The following IGLL1 variants were observed in gnomAD, a reference collection of about 807,000 sequenced individuals.
The protein encoded by IGLL1 is immunoglobulin lambda like polypeptide 1.
IGLL1 carries 10 observed loss-of-function variants against 10.5 expected under a neutral mutation model. That is an observed-to-expected ratio of 0.95 (90% CI 0.59 to 1.62). The LOEUF is 1.62. IGLL1 is among the 40% of genes most tolerant of loss of function. The probability of loss-of-function intolerance (pLI) is 0.00; values close to 1 mark genes in which losing one functional copy is unlikely to be tolerated. For missense variants in IGLL1, 284 were observed against 278.7 expected, an observed-to-expected ratio of 1.02 and a Z score of -0.14; for synonymous variants, 141 against 122.7, an observed-to-expected ratio of 1.15 and a Z score of -0.99.
chr22:23,575,141 A>G, intron 1 of IGLL1, 59 bp from the exon 2 acceptor site: 1 of 1,237,522 alleles, frequency 8.1e-7, no homozygotes, highest in Non-Finnish European at 1.2e-6. Context: ...GGCACAGGGT[A>G]GGGGGGTGGC....
At chr22:23,576,618 G>T (rs1319782877) in intron 1 of IGLL1, among the ~76,000 whole-genome samples, 1 of 152,066 alleles carries the variant, frequency 6.6e-6, no homozygotes, top group Non-Finnish European at 1.5e-5. Context: ...TTTCAGTAGA[G>T]ACGGTGTTTC....
At chr22:23,577,184 G>A (rs1925101231) in intron 1 of IGLL1, among the ~76,000 whole-genome samples, 1 of 152,176 alleles carries the variant, frequency 6.6e-6, no homozygotes, top group Admixed American at 6.5e-5. Flanking sequence ...GGCCGAGGCG[G>A]GTGGATGGCT....
chr22:23,574,944 C>G (rs780140393), intron 2 of IGLL1, 23 bp downstream of exon 2: 11 of 1,492,294 alleles, frequency 7.4e-6, no homozygotes, highest in Middle Eastern at 1.7e-4. Context: ...GGTGGGACAG[C>G]CTGGGAAGTT....
chr22:23,573,301 C>A lies in IGLL1; in HGVS notation c.607G>T (p.Val203Leu). The change falls in exon 3 of 3, where the codon GTG (valine) becomes TTG (leucine). Residue 203 changes from valine (V) to leucine (L), a missense_variant. By Grantham distance (32) the Val-to-Leu change is conservative. Transcript: ENST00000330377. The part of the protein sequence containing the change: ...SCQVMHEGST[V>L]EKTVAPAECS ...TCTGCAGGGGCCACCGTCTTCTCCA[C>A]GGTGCTCCCTTCGTGCATGACCTGG... is the stretch of plus-strand genomic sequence containing the variant. 2 of 1,613,956 alleles carry A rather than the reference C, an allele frequency of 1.2e-6. No homozygotes were observed. Among genetic ancestry groups the A allele is most frequent in the Non-Finnish European group, 1.7e-6 (2 of 1,179,970 alleles).
At chr22:23,576,444 T>C (rs1925072689) in intron 1 of IGLL1, among the ~76,000 whole-genome samples, 3 of 151,976 alleles carry the variant, frequency 2.0e-5, no homozygotes, top group Admixed American at 2.0e-4. Context: ...CCTTTTATTT[T>C]TTTGAAATGG....
chr22:23,578,321 CA>C (rs1388315322), intron 1 of IGLL1, among the ~76,000 whole-genome samples: 1 of 152,210 alleles, frequency 6.6e-6, no homozygotes, highest in Non-Finnish European at 1.5e-5. Context: ...GGGCCTTCCC[CA>C]TCCCAGTCTC....
At chr22:23,578,155 T>C (rs530697631) in intron 1 of IGLL1, among the ~76,000 whole-genome samples, 1 of 152,220 alleles carries the variant, frequency 6.6e-6, no homozygotes, top group South Asian at 2.1e-4. Context: ...GTGCTGGGAT[T>C]ACAGGCATGA....
chr22:23,580,222 G>T lies in IGLL1; in HGVS notation c.-32C>A. 1 of 1,535,358 alleles carries T rather than the reference G, an allele frequency of 6.5e-7. No homozygotes were observed. ...TCAGGGTCAGAGGTCCTTGTGGCCTGACTTGCAGTGTGGGCTCCCTAGAGA... is the reference window on the plus strand; with the variant it reads ...TCAGGGTCAGAGGTCCTTGTGGCCTTACTTGCAGTGTGGGCTCCCTAGAGA... On this transcript the variant is annotated 5_prime_UTR_variant, in exon 1 of 3. Coordinates refer to ENST00000330377, the MANE Select transcript of IGLL1 (RefSeq NM_020070.4).
intron 1 of IGLL1, among the ~76,000 whole-genome samples, chr22:23,576,372 A>G (rs1353097381): frequency 6.6e-6 from 1 of 150,766 alleles, no homozygotes; most frequent in Non-Finnish European, 1.5e-5. Context: ...AAAAAAAAAA[A>G]AAAAAAAAAG....
chr22:23,574,738 T>G (rs142255460), intron 2 of IGLL1, among the ~76,000 whole-genome samples: 1 of 152,092 alleles, frequency 6.6e-6, no homozygotes, highest in Non-Finnish European at 1.5e-5. Flanking sequence ...GCCCAGGCCC[T>G]GGGACCAGGC....
intron 1 of IGLL1, among the ~76,000 whole-genome samples, chr22:23,579,235 A>G (rs1925213730): frequency 6.6e-6 from 1 of 151,782 alleles, no homozygotes; most frequent in Admixed American, 6.6e-5. Flanking sequence ...GCCTGTGGGT[A>G]TAACATGCAC....
intron 1 of IGLL1, among the ~76,000 whole-genome samples, chr22:23,577,915 C>T (rs12167599): frequency 0.1 from 14,667 of 146,674 alleles, 1,592 homozygotes; most frequent in African/African-American, 0.28. Context: ...GTGGGAGTCT[C>T]GTTCTGTCGT....
At chr22:23,574,589 C>T (rs1297263178) in intron 2 of IGLL1, among the ~76,000 whole-genome samples, 1 of 152,156 alleles carries the variant, frequency 6.6e-6, no homozygotes, top group African/African-American at 2.4e-5. Flanking sequence ...GGATGGGCAT[C>T]CAGCCCTCAG....
Position 23,579,711 on chromosome 22 carries a change from G to T in IGLL1, c.206+274C>A, listed in dbSNP as rs1268440957. On this transcript the variant is annotated intron_variant, in intron 1 of 2. Transcript: ENST00000330377. ...CAGTCCTGCCCTACCCCAAGGACTA[G>T]GGGGAGGTGAGGGAGACATTGGCCT... Among the ~76,000 whole-genome samples the T allele has an allele frequency of 2.0e-5, 3 of 152,162 alleles. No individual in the cohort carries two copies. The East Asian group carries it at 5.8e-4, about 29-fold the overall frequency.
Position 23,580,204 on chromosome 22 carries a change from C to T in IGLL1, c.-14G>A. The T allele has an allele frequency of 6.5e-7, 1 of 1,537,142 alleles. No homozygotes were observed. Among genetic ancestry groups the T allele is most frequent in the Non-Finnish European group, 8.7e-7 (1 of 1,146,786 alleles). On this transcript the variant is annotated 5_prime_UTR_variant, in exon 1 of 3. Transcript: ENST00000330377. ...CCCTGGCCTCATCGGCCCTCAGGGTCAGAGGTCCTTGTGGCCTGACTTGCA... is the reference window on the plus strand; with the variant it reads ...CCCTGGCCTCATCGGCCCTCAGGGTTAGAGGTCCTTGTGGCCTGACTTGCA...
intron 2 of IGLL1, 150 bp downstream of exon 2, chr22:23,574,817 G>C: frequency 1.4e-6 from 1 of 699,874 alleles, no homozygotes. Context: ...ATTACCCTGA[G>C]ACTAACACAT....
rs1925274745 is a variant in IGLL1 at position 23,580,198 on chromosome 22, C to G, written c.-8G>C. On this transcript the variant is annotated 5_prime_UTR_variant, in exon 1 of 3. Coordinates refer to ENST00000330377, the MANE Select transcript of IGLL1 (RefSeq NM_020070.4). ...GCCTGTCCCTGGCCTCATCGGCCCT[C>G]AGGGTCAGAGGTCCTTGTGGCCTGA... is the stretch of plus-strand genomic sequence containing the variant. 1.3e-6 allele frequency: 2 copies of G among 1,537,678 alleles called. No individual in the cohort carries two copies. Among genetic ancestry groups the G allele is most frequent in the Admixed American group, 3.9e-5 (2 of 51,000 alleles).
intron 1 of IGLL1, 38 bp downstream of exon 1, chr22:23,579,947 C>A: frequency 6.5e-7 from 1 of 1,528,888 alleles, no homozygotes; most frequent in Non-Finnish European, 8.8e-7. Context: ...CCTCTGCCAC[C>A]CAGACCCCCA....
intron 1 of IGLL1, among the ~76,000 whole-genome samples, chr22:23,576,338 T>C (rs56032218): frequency 0.13 from 13,158 of 105,070 alleles, 1,278 homozygotes; most frequent in African/African-American, 0.25. Context: ...GAGTGCAGCC[T>C]GGCAACAGAG....
Sources: gnomAD v4.1 joint callset for allele counts (sites outside exome capture counted in the v4.1 genomes callset) on GRCh38, gnomAD v4.1.1 for gene constraint, MANE v1.5 for transcripts, NCBI Gene and HGNC (gene_info 2026-07-23, HGNC 2026-07-21) for gene names.